Variants in TENM4 observed in about 807,000 individuals in gnomAD.
TENM4 encodes the protein teneurin-4.
A neutral mutation model predicts 243.3 loss-of-function variants in TENM4; 82 were observed. The observed-to-expected ratio is 0.34, with a 90% confidence interval of 0.28 to 0.40. The LOEUF (loss-of-function observed/expected upper bound fraction) is 0.40. TENM4 is among the 10% of genes least tolerant of loss of function. TENM4 has a pLI of 1.00. For synonymous variants in TENM4, 1,412 were observed against 1,456.3 expected, an observed-to-expected ratio of 0.97 and a Z score of 0.69; for missense variants, 3,138 against 3,673.3, an observed-to-expected ratio of 0.85 and a Z score of 3.77.
intron 7 of TENM4, among the ~76,000 whole-genome samples, chr11:78,898,825 T>C (rs949405199): frequency 2.6e-5 from 4 of 152,198 alleles, no homozygotes; most frequent in African/African-American, 9.7e-5. Flanking sequence ...TATTCTATTA[T>C]AGGAGTCTGT....
chr11:78,996,846 G>A (rs1858185291), intron 6 of TENM4, among the ~76,000 whole-genome samples: 1 of 152,180 alleles, frequency 6.6e-6, no homozygotes, highest in Non-Finnish European at 1.5e-5. Context: ...TGGTGGTCTT[G>A]TGGAGGGCTC....
chr11:78,755,996 C>T (rs1856296415), intron 19 of TENM4, among the ~76,000 whole-genome samples: 1 of 152,168 alleles, frequency 6.6e-6, no homozygotes, highest in Non-Finnish European at 1.5e-5. Context: ...ATATGCTGTT[C>T]ACTGCCCTGA....
chr11:79,017,302 G>A (rs1858803253), intron 6 of TENM4, among the ~76,000 whole-genome samples: 1 of 152,134 alleles, frequency 6.6e-6, no homozygotes, highest in African/African-American at 2.4e-5. Flanking sequence ...TGGGGTAGGT[G>A]GGAGTTTAGT....
At chr11:79,148,609 G>A (rs751555567) in intron 4 of TENM4, 101 bp downstream of exon 4, 13 of 189,540 alleles carry the variant, frequency 6.9e-5, no homozygotes, top group African/African-American at 2.6e-4. Context: ...TGAAGATAAA[G>A]TCTACCTATT....
At chr11:79,085,388 A>AAAAAG (rs35826021) in intron 4 of TENM4, among the ~76,000 whole-genome samples, 1 of 132,226 alleles carries the variant, frequency 7.6e-6, no homozygotes. Context: ...AAAAAAAAAA[A>AAAAAG]GGGGGGTTTT....
chr11:78,900,909 T>C (rs147593404), intron 7 of TENM4, among the ~76,000 whole-genome samples: 22 of 152,360 alleles, frequency 1.4e-4, no homozygotes, highest in African/African-American at 5.1e-4. Flanking sequence ...AGAATTCTGA[T>C]TGTGTATTCA....
In TENM4 at chr11:79,122,981, C is replaced by T. The variant is rs115991866; in HGVS notation, c.-66+25729G>A. 6.0e-3 allele frequency among the ~76,000 whole-genome samples: 910 copies of T among 152,292 alleles called. 8 individuals carry two copies. Among genetic ancestry groups the T allele is most frequent in the African/African-American group, 0.021 (872 of 41,558 alleles). On this transcript the variant is annotated intron_variant, in intron 4 of 33. Transcript: ENST00000278550. ...ACCGGGAAGGGAACCTGAGCCTTAC[C>T]TCAAACAGCCCTGACTACTGGAAAT...
chr11:79,225,470 T>C (rs1202476760), intron 2 of TENM4, among the ~76,000 whole-genome samples: 2 of 152,178 alleles, frequency 1.3e-5, no homozygotes, highest in African/African-American at 4.8e-5. Flanking sequence ...TAGAGTGTGG[T>C]GCCATGATCT....
intron 12 of TENM4, among the ~76,000 whole-genome samples, chr11:78,824,724 G>A (rs1408015440): frequency 2.0e-5 from 3 of 151,922 alleles, no homozygotes; most frequent in Non-Finnish European, 2.9e-5. Flanking sequence ...GGCTAGTCTC[G>A]AACTCCTGAG....
chr11:78,900,408 C>T (rs1483137632), intron 7 of TENM4, among the ~76,000 whole-genome samples: 1 of 152,096 alleles, frequency 6.6e-6, no homozygotes, highest in Non-Finnish European at 1.5e-5. Flanking sequence ...GAACATAAGG[C>T]CAAACTTACT....
chr11:79,363,621 C>T (rs557333650), intron 1 of TENM4, among the ~76,000 whole-genome samples: 4 of 152,278 alleles, frequency 2.6e-5, no homozygotes, highest in East Asian at 1.9e-4. Flanking sequence ...GTAAAGTGTC[C>T]AGCACAGAGT....
In TENM4 at chr11:78,729,419, T is replaced by G. The variant is rs1855598406; in HGVS notation, c.3363A>C (p.Thr1121=). The G allele has an allele frequency of 6.3e-7, 1 of 1,591,544 alleles. No homozygotes were observed. The highest frequency in any genetic ancestry group is 8.6e-7 in the Non-Finnish European group (1 of 1,168,218). ...CAAACACCTTCTGGTTGTAGACGTCTGTCTTGTCCCAAATGAAATAATAGG... is the reference window on the plus strand; with the variant it reads ...CAAACACCTTCTGGTTGTAGACGTCGGTCTTGTCCCAAATGAAATAATAGG... ...DLSYYFIWDK[T]DVYNQKVFGL... Residue 1121 remains threonine (T), a synonymous_variant, in exon 22 of 34, where the codon ACA becomes ACC. Coordinates refer to ENST00000278550, the MANE Select transcript of TENM4 (RefSeq NM_001098816.3).
chr11:79,401,047 C>T (rs1430575038), intron 1 of TENM4, among the ~76,000 whole-genome samples: 11 of 152,082 alleles, frequency 7.2e-5, no homozygotes, highest in African/African-American at 1.7e-4. Flanking sequence ...TTCAAACTAC[C>T]GAGTGAAAAA....
At chr11:78,979,533 T>G (rs1194397201) in intron 6 of TENM4, among the ~76,000 whole-genome samples, 1 of 152,176 alleles carries the variant, frequency 6.6e-6, no homozygotes, top group Non-Finnish European at 1.5e-5. Context: ...ATGTGTGCTG[T>G]GCATGCACAT....
chr11:78,910,840 C>T (rs558243473), intron 6 of TENM4, among the ~76,000 whole-genome samples: 9 of 152,306 alleles, frequency 5.9e-5, no homozygotes, highest in East Asian at 5.8e-4. Flanking sequence ...TCCTATGTCA[C>T]GGCCAGTGCT....
intron 6 of TENM4, among the ~76,000 whole-genome samples, chr11:78,979,419 G>A (rs1357131862): frequency 2.6e-5 from 4 of 152,204 alleles, no homozygotes; most frequent in African/African-American, 9.6e-5. Context: ...TTAATTGATG[G>A]AGCCTTGGGG....
rs557962962 is a variant in TENM4, at chr11:79,326,461, C to T, written c.-320-28918G>A. On this transcript the variant is annotated intron_variant, in intron 1 of 33. Coordinates refer to ENST00000278550, the MANE Select transcript of TENM4 (RefSeq NM_001098816.3). ...TTTCTGCAAAGCAAGCATGGACTCC[C>T]CATTCCAAACTAACCTCCCCCTCGC... Among the ~76,000 whole-genome samples, 133 of 152,210 alleles carry T rather than the reference C, an allele frequency of 8.7e-4. 1 individual carries two copies. The highest frequency in any genetic ancestry group is 1.7e-3 in the Non-Finnish European group (118 of 68,032).
chr11:78,851,946 C>T (rs1858549822), intron 12 of TENM4, among the ~76,000 whole-genome samples: 1 of 152,220 alleles, frequency 6.6e-6, no homozygotes, highest in Non-Finnish European at 1.5e-5. Flanking sequence ...GAAAATGGAG[C>T]ACAATCCCTG....
chr11:78,951,030 G>C (rs958739019), intron 6 of TENM4, among the ~76,000 whole-genome samples: 11 of 152,222 alleles, frequency 7.2e-5, no homozygotes, highest in Admixed American at 2.0e-4. Flanking sequence ...AGGTTATGTT[G>C]CTTGTCTCCT....
Sources: gnomAD v4.1 joint callset for allele counts (sites outside exome capture counted in the v4.1 genomes callset) on GRCh38, gnomAD v4.1.1 for gene constraint, MANE v1.5 for transcripts, NCBI Gene and HGNC (gene_info 2026-07-23, HGNC 2026-07-21) for gene names.